Variants in NOL10 observed in about 807,000 individuals in gnomAD.
The protein encoded by NOL10 is H_NH0074G24.1.
NOL10 carries 58 observed loss-of-function variants against 103.5 expected under a neutral mutation model. That is an observed-to-expected ratio of 0.56 (90% CI 0.45 to 0.70). NOL10 has a LOEUF of 0.70. Among genes scored for constraint, NOL10 ranks in the 30% least tolerant of loss-of-function variants. The pLI, the probability that NOL10 is intolerant of heterozygous loss-of-function variation, is 0.00. For synonymous variants in NOL10, 287 were observed against 282.5 expected (o/e 1.02, Z -0.16); for missense variants, 763 against 807.3 (o/e 0.95, Z 0.67).
chr2:10,675,123 A>T (rs1681213784), intron 4 of NOL10, among the ~76,000 whole-genome samples: 1 of 152,196 alleles, frequency 6.6e-6, no homozygotes, highest in African/African-American at 2.4e-5. Context: ...GGATCACTTG[A>T]GCCCAGGAGT....
Position 10,636,420 on chromosome 2 carries a change from C to CAAAAAAAAAAAAAAAAAAA in NOL10, c.1026+7881_1026+7899dup, listed in dbSNP as rs70953327. Among the ~76,000 whole-genome samples, 2 of 54,700 alleles carry CAAAAAAAAAAAAAAAAAAA rather than the reference C, an allele frequency of 3.7e-5. 1 individual carries two copies. The highest frequency in any genetic ancestry group is 6.2e-5 in the Non-Finnish European group (2 of 32,286). The allele number at this position is 54,700 out of a possible 152,430, so 35.9% of individuals were successfully genotyped here. A position where few individuals can be genotyped will look rare whatever the true frequency, so the allele number is the denominator to read the frequency against. ...GTGAAACCCTGTCTCTACAAAAAAC[C>CAAAAAAAAAAAAAAAAAAA]AAAAAAAAAAAAAAAAAAAAAAAAA... On this transcript the variant is annotated intron_variant, in intron 13 of 20. Transcript: ENST00000381685.
chr2:10,595,907 AG>A (rs35618588), intron 17 of NOL10, among the ~76,000 whole-genome samples: 52,137 of 151,870 alleles, frequency 0.34, 9,373 homozygotes, highest in Non-Finnish European at 0.4. Flanking sequence ...TGTTTGTGTT[AG>A]GCACTGTGCC....
intron 13 of NOL10, among the ~76,000 whole-genome samples, chr2:10,608,961 A>G (rs960274614): frequency 6.6e-6 from 1 of 152,194 alleles, no homozygotes; most frequent in Non-Finnish European, 1.5e-5. Flanking sequence ...ATAAAAGACA[A>G]ACCTTCAAGA....
rs945682005 is a variant in NOL10, at chr2:10,636,062, T to G, written c.1026+8258A>C. ...CAAAGCATGCTCAGCTATTTTTTTG[T>G]ATTTTAGTAGAGACAGGGTTTCGCC... On this transcript the variant is annotated intron_variant, in intron 13 of 20. Coordinates refer to ENST00000381685, the MANE Select transcript of NOL10 (RefSeq NM_024894.4). Among the ~76,000 whole-genome samples the G allele has an allele frequency of 4.6e-5, 7 of 152,240 alleles. No individual in the cohort carries two copies. The East Asian group carries it at 1.2e-3, about 25-fold the overall frequency.
chr2:10,595,155 A>G (rs1165880661), intron 17 of NOL10, among the ~76,000 whole-genome samples: 2 of 88,984 alleles, frequency 2.2e-5, no homozygotes, highest in Admixed American at 1.4e-4. Flanking sequence ...AGAGAGAGAG[A>G]GAGAGAGAGA....
Position 10,574,201 on chromosome 2 carries a change from A to G in NOL10, c.1948-2011T>C, listed in dbSNP as rs139464733. Among the ~76,000 whole-genome samples, 78 of 152,342 alleles carry G rather than the reference A, an allele frequency of 5.1e-4. 2 individuals carry two copies. In the East Asian group the frequency reaches 0.014, roughly 26 times the overall value. On this transcript the variant is annotated intron_variant, in intron 20 of 20. Transcript: ENST00000381685. ...TAGCATGCAGCACAGGGCAGGCATC[A>G]ATACACATGCGTTAATGGAAAACTC...
intron 13 of NOL10, among the ~76,000 whole-genome samples, chr2:10,633,159 C>G (rs560792510): frequency 8.6e-4 from 131 of 152,248 alleles, no homozygotes; most frequent in African/African-American, 2.9e-3. Context: ...GCACAGTTGT[C>G]CTTGGCTCGC....
chr2:10,596,970 T>C (rs1675724711), intron 17 of NOL10, among the ~76,000 whole-genome samples: 1 of 152,106 alleles, frequency 6.6e-6, no homozygotes, highest in Non-Finnish European at 1.5e-5. Context: ...AATACATTCA[T>C]TCATTTTTTT....
chr2:10,649,311 A>ATTTTTTTTTTTTTTTTT (rs56031158), intron 12 of NOL10, among the ~76,000 whole-genome samples: 2 of 99,046 alleles, frequency 2.0e-5, no homozygotes, highest in African/African-American at 8.3e-5. Context: ...GTATGTTTGA[A>ATTTTTTTTTTTTTTTTT]TTTTTTTTTT....
chr2:10,675,836 A>G lies in NOL10; in HGVS notation c.247T>C (p.Tyr83His), dbSNP rs371406417. ...CTTTCAAACTTCAAGGATAATTGAT[A>G]GGTGTCATAACATCGAACCCGAGGT... ...YKPRVRCYDTYQLSLKFERCL... is the reference protein window; with the variant it reads ...YKPRVRCYDTHQLSLKFERCL... Residue 83 changes from tyrosine (Y) to histidine (H), a missense_variant, in exon 4 of 21, where the codon TAT (tyrosine) becomes CAT (histidine). By Grantham distance (83) the Tyr-to-His change is moderately conservative (BLOSUM62 2). Coordinates refer to ENST00000381685, the MANE Select transcript of NOL10 (RefSeq NM_024894.4). 5.1e-6 allele frequency: 8 copies of G among 1,582,658 alleles called. No individual in the cohort carries two copies. The African/African-American group carries it at 9.4e-5, about 19-fold the overall frequency.
At chr2:10,624,053 T>C (rs1435301846) in intron 13 of NOL10, among the ~76,000 whole-genome samples, 1 of 152,202 alleles carries the variant, frequency 6.6e-6, no homozygotes, top group Non-Finnish European at 1.5e-5. Context: ...GATCTCTGGT[T>C]TCCTAAAATC....
rs1469968902 is a variant in NOL10 at position 10,596,253 on chromosome 2, T to TG, written c.1422+4599dup. Among the ~76,000 whole-genome samples the TG allele has an allele frequency of 1.2e-3, 21 of 17,828 alleles. 1 individual carries two copies. The highest frequency in any genetic ancestry group is 4.8e-3 in the African/African-American group (10 of 2,076). The allele number at this position is 17,828 out of a possible 152,430, so 11.7% of individuals were successfully genotyped here. On this transcript the variant is annotated intron_variant, in intron 17 of 20. Transcript: ENST00000381685. ...CGGAAGACAAGTTTTCCACAGATGGTGGTGGGGGGCGGGGGGCGGGCGCGA... is the reference window on the plus strand; with the variant it reads ...CGGAAGACAAGTTTTCCACAGATGGTGGGTGGGGGGCGGGGGGCGGGCGCGA...
intron 17 of NOL10, among the ~76,000 whole-genome samples, chr2:10,596,855 T>A (rs1198377116): frequency 6.6e-6 from 1 of 152,202 alleles, no homozygotes; most frequent in African/African-American, 2.4e-5. Context: ...AAAATAGCTC[T>A]AACCAAAACT....
intron 7 of NOL10, among the ~76,000 whole-genome samples, chr2:10,668,235 A>G (rs192388383): frequency 1.3e-5 from 2 of 152,346 alleles, no homozygotes; most frequent in Admixed American, 6.5e-5. Context: ...TGCATAGTAC[A>G]TATGTGTAGA....
chr2:10,604,081 T>A (rs1676124016), intron 14 of NOL10, among the ~76,000 whole-genome samples: 1 of 152,166 alleles, frequency 6.6e-6, no homozygotes, highest in Non-Finnish European at 1.5e-5. Context: ...ACAACCTAGA[T>A]CCCTCGCATG....
Position 10,587,194 on chromosome 2 carries a change from CATATATATACACAT to C in NOL10, c.1844+1835_1844+1848del, listed in dbSNP as rs1406256626. On this transcript the variant is annotated intron_variant, in intron 19 of 20. Transcript: ENST00000381685. ...ACATATATATACACATATATATACA[CATATATATACACAT>C]ATATATATACATATATATACATATA... is the stretch of plus-strand genomic sequence containing the variant. 1.6e-3 allele frequency among the ~76,000 whole-genome samples: 47 copies of C among 28,766 alleles called. 11 individuals are homozygous for C. Among genetic ancestry groups the C allele is most frequent in the African/African-American group, 2.0e-3 (10 of 5,066 alleles). The allele number at this position is 28,766 out of a possible 152,430, so 18.9% of individuals were successfully genotyped here.
At position 10,587,140 on chromosome 2, in the gene NOL10, C is replaced by T. The variant is rs867291831; in HGVS notation, c.1844+1903G>A. On this transcript the variant is annotated intron_variant, in intron 19 of 20. Coordinates refer to ENST00000381685, the MANE Select transcript of NOL10 (RefSeq NM_024894.4). ...ATATACATATATATACATATATACA[C>T]ATATATATACATATATACACATATA... 1.3e-3 allele frequency among the ~76,000 whole-genome samples: 41 copies of T among 32,214 alleles called. 2 individuals are homozygous for T. Among genetic ancestry groups the T allele is most frequent in the African/African-American group, 6.8e-3 (37 of 5,476 alleles). The allele number at this position is 32,214 out of a possible 152,430, so 21.1% of individuals were successfully genotyped here. A position where few individuals can be genotyped will look rare whatever the true frequency, so the allele number is the denominator to read the frequency against.
intron 7 of NOL10, among the ~76,000 whole-genome samples, chr2:10,667,658 T>A (rs897766018): frequency 6.6e-6 from 1 of 152,212 alleles, no homozygotes; most frequent in Non-Finnish European, 1.5e-5. Flanking sequence ...GACAGGCTTG[T>A]CCTGGGTACA....
In NOL10 at chr2:10,674,140, C is replaced by A. The variant is rs1321780943; in HGVS notation, c.290-583G>T. On this transcript the variant is annotated intron_variant, in intron 4 of 20. Coordinates refer to ENST00000381685, the MANE Select transcript of NOL10 (RefSeq NM_024894.4). ...GGCGGAGGTAGGAGGATCTCTTGAGCCTGGGTAGTTGAGGCTGCAGTGAGC... is the reference window on the plus strand; with the variant it reads ...GGCGGAGGTAGGAGGATCTCTTGAGACTGGGTAGTTGAGGCTGCAGTGAGC... Among the ~76,000 whole-genome samples the A allele has an allele frequency of 5.3e-5, 8 of 151,616 alleles. No individual in the cohort carries two copies. In the East Asian group the frequency reaches 1.5e-3, roughly 29 times the overall value.
Sources: allele counts gnomAD v4.1 joint callset (sites outside exome capture counted in the v4.1 genomes callset), GRCh38; gene constraint gnomAD v4.1.1; transcripts MANE v1.5; gene names NCBI Gene and HGNC (gene_info 2026-07-23, HGNC 2026-07-21).